The following PCDH15 variants were observed in gnomAD, a reference collection of about 807,000 sequenced individuals.
The protein encoded by PCDH15 is protocadherin-15.
A neutral mutation model predicts 178.5 loss-of-function variants in PCDH15; 129 were observed. The observed-to-expected ratio is 0.72, with a 90% CI of 0.63 to 0.84. The LOEUF is 0.84. PCDH15 is among the 40% of genes least tolerant of loss of function. The pLI is 0.00. For synonymous variants in PCDH15, 800 were observed against 732.0 expected (o/e 1.09, Z -1.50); for missense variants, 2,230 against 2,099.9 (o/e 1.06, Z -1.21).
intron 2 of PCDH15, among the ~76,000 whole-genome samples, chr10:54,573,711 TC>T (rs2133627882): frequency 6.6e-6 from 1 of 150,480 alleles, no homozygotes; most frequent in East Asian, 2.0e-4. Flanking sequence ...TCGATAGTTT[TC>T]CCCAACTTCA....
rs568195577 is a variant in PCDH15, at chr10:53,892,032, T to G, written c.3501+11211A>C. 5.9e-3 allele frequency among the ~76,000 whole-genome samples: 866 copies of G among 146,934 alleles called. 5 individuals carry two copies. The highest frequency in any genetic ancestry group is 0.016 in the South Asian group (73 of 4,640). ...GCTTTACATCTATGTTTTTTTTTTT[T>G]TTTTTTTTTTTTCCAAGACAGAGTC... On this transcript the variant is annotated intron_variant, in intron 26 of 37. Coordinates refer to ENST00000644397, the MANE Select transcript of PCDH15 (RefSeq NM_001384140.1).
chr10:54,491,819 A>T (rs1353732664), intron 3 of PCDH15, among the ~76,000 whole-genome samples: 1 of 152,120 alleles, frequency 6.6e-6, no homozygotes, highest in Non-Finnish European at 1.5e-5. Flanking sequence ...TTAGGAATAT[A>T]TGGTAAAAGT....
At chr10:55,482,054 G>A (rs1165777479) in intron 2 of PCDH15, among the ~76,000 whole-genome samples, 2 of 151,698 alleles carry the variant, frequency 1.3e-5, no homozygotes, top group Non-Finnish European at 2.9e-5. Flanking sequence ...AAATCTTCTT[G>A]GTGAATCTAA....
chr10:54,431,110 T>C (rs1022659080), intron 3 of PCDH15, among the ~76,000 whole-genome samples: 23 of 152,054 alleles, frequency 1.5e-4, no homozygotes, highest in African/African-American at 5.3e-4. Flanking sequence ...AGATTAAAGC[T>C]GTAATAAAAA....
chr10:55,332,691 A>AC (rs1463257313), intron 2 of PCDH15, among the ~76,000 whole-genome samples: 10 of 152,228 alleles, frequency 6.6e-5, no homozygotes, highest in African/African-American at 2.4e-4. Context: ...GGAGTGGTTT[A>AC]CCCCACAATG....
At chr10:54,797,087 G>A (rs970572595) in intron 1 of PCDH15, among the ~76,000 whole-genome samples, 23 of 151,898 alleles carry the variant, frequency 1.5e-4, no homozygotes, top group Non-Finnish European at 2.5e-4. Flanking sequence ...GTCCTCCCCC[G>A]GTCAGGAAAC....
chr10:54,165,928 C>G (rs773402029), intron 13 of PCDH15, among the ~76,000 whole-genome samples: 10 of 152,000 alleles, frequency 6.6e-5, no homozygotes, highest in Non-Finnish European at 1.2e-4. Flanking sequence ...GAGAGAGAAA[C>G]CTATCTTTAA....
intron 2 of PCDH15, among the ~76,000 whole-genome samples, chr10:55,624,154 CT>C (rs1355808680): frequency 6.6e-6 from 1 of 151,840 alleles, no homozygotes; most frequent in Non-Finnish European, 1.5e-5. Flanking sequence ...ATCATAATGC[CT>C]GTGATTTGTG....
intron 1 of PCDH15, among the ~76,000 whole-genome samples, chr10:54,770,768 T>A (rs1436731970): frequency 6.6e-6 from 1 of 151,964 alleles, no homozygotes; most frequent in Non-Finnish European, 1.5e-5. Context: ...TTAAATGAAG[T>A]TACTTAATCT....
At chr10:53,991,074 C>T (rs553229401) in intron 21 of PCDH15, among the ~76,000 whole-genome samples, 32 of 152,250 alleles carry the variant, frequency 2.1e-4, no homozygotes, top group African/African-American at 6.5e-4. Context: ...ACCTGCAGCC[C>T]GCCATGGCCG....
chr10:55,584,658 CAAAAAAAAAAAAAA>C (rs59983365), intron 2 of PCDH15, among the ~76,000 whole-genome samples: 1 of 72,270 alleles, frequency 1.4e-5, no homozygotes, highest in East Asian at 3.9e-4. Flanking sequence ...ACTCTGTCTC[CAAAAAAAAAAAAAA>C]AAAAAAAAAA....
At chr10:55,479,441 T>A (rs1840130461) in intron 2 of PCDH15, among the ~76,000 whole-genome samples, 1 of 151,652 alleles carries the variant, frequency 6.6e-6, no homozygotes, top group African/African-American at 2.4e-5. Context: ...AAAATCAACA[T>A]CCCTTATGAT....
intron 3 of PCDH15, among the ~76,000 whole-genome samples, chr10:54,445,312 C>T (rs1565295465): frequency 6.6e-6 from 1 of 151,070 alleles, no homozygotes; most frequent in Non-Finnish European, 1.5e-5. Context: ...GCACATCTTT[C>T]TTAGTAGGAG....
intron 8 of PCDH15, among the ~76,000 whole-genome samples, chr10:54,309,261 A>G (rs546154355): frequency 3.3e-5 from 5 of 152,026 alleles, no homozygotes; most frequent in Non-Finnish European, 7.4e-5. Flanking sequence ...TAAATAATAT[A>G]TTTGGATAAT....
intron 1 of PCDH15, among the ~76,000 whole-genome samples, chr10:55,282,374 T>C (rs1257459179): frequency 6.6e-6 from 1 of 152,212 alleles, no homozygotes; most frequent in African/African-American, 2.4e-5. Context: ...ATTCCTTGAT[T>C]TAAGACTTCT....
At chr10:54,197,191 T>A (rs559519581) in intron 10 of PCDH15, among the ~76,000 whole-genome samples, 4 of 142,466 alleles carry the variant, frequency 2.8e-5, no homozygotes, top group East Asian at 1.9e-4. Flanking sequence ...ATGTATAAAT[T>A]TTCTTTTTTT....
intron 2 of PCDH15, among the ~76,000 whole-genome samples, chr10:55,492,052 A>C (rs1229201595): frequency 6.6e-6 from 1 of 151,764 alleles, no homozygotes; most frequent in Non-Finnish European, 1.5e-5. Context: ...ATTGAACAAT[A>C]AGCCATTCTG....
At chr10:54,429,629 G>A (rs1015196667) in intron 3 of PCDH15, among the ~76,000 whole-genome samples, 12 of 152,040 alleles carry the variant, frequency 7.9e-5, no homozygotes, top group Admixed American at 7.9e-4. Context: ...TGAAAGTAAA[G>A]GCACGGAAAA....
At chr10:54,952,970 C>G (rs1325011135) in intron 2 of PCDH15, among the ~76,000 whole-genome samples, 2 of 151,532 alleles carry the variant, frequency 1.3e-5, no homozygotes, top group Non-Finnish European at 3.0e-5. Context: ...TCTTCCCAAT[C>G]TGTATTTTTA....
Sources: gnomAD v4.1 joint callset for allele counts (sites outside exome capture counted in the v4.1 genomes callset) on GRCh38, gnomAD v4.1.1 for gene constraint, MANE v1.5 for transcripts, NCBI Gene and HGNC (gene_info 2026-07-23, HGNC 2026-07-21) for gene names.